The following EPHA10 variants were observed in gnomAD, a reference collection of about 807,000 sequenced individuals.
EPHA10 encodes the protein ephrin type-A receptor 10.
EPHA10 carries 120 observed loss-of-function variants against 109.7 expected under a neutral mutation model. The observed-to-expected ratio is 1.09, with a 90% CI of 0.94 to 1.27. EPHA10 has a LOEUF of 1.27. Among genes scored for constraint, EPHA10 ranks in the 50% most tolerant of loss-of-function variants. The pLI is 0.00. For missense variants in EPHA10, 1,396 were observed against 1,411.1 expected, an observed-to-expected ratio of 0.99 and a Z score of 0.17; for synonymous variants, 640 against 618.9, an observed-to-expected ratio of 1.03 and a Z score of -0.51.
rs375221623 is a variant in EPHA10 at position 37,719,602 on chromosome 1, G to T, written c.2568C>A (p.Ile856=). 5.0e-6 allele frequency: 8 copies of T among 1,613,322 alleles called. No homozygotes were observed. In the South Asian group the frequency reaches 8.8e-5, roughly 18 times the overall value. The stretch of plus-strand genomic sequence containing the variant: ...GCCGGAAGCCATCCTCCACAGCCTT[G>T]ATCACCTGGGCCACAGGGGTGGGGA... ...PYWDMSGQDV[I]KAVEDGFRLP... The change falls in exon 15 of 17, where the codon ATC becomes ATA. Residue 856 remains isoleucine, a synonymous_variant. Transcript: ENST00000373048.
At chr1:37,719,645 G>C (rs1039643033) in intron 14 of EPHA10, 38 bp from the exon 15 acceptor site, 2 of 1,608,408 alleles carry the variant, frequency 1.2e-6, no homozygotes, top group African/African-American at 2.7e-5. Context: ...GGAGGCTCTG[G>C]GTTTCCCCAG....
At chr1:37,750,042 G>A (rs897879736) in intron 5 of EPHA10, among the ~76,000 whole-genome samples, 1 of 152,144 alleles carries the variant, frequency 6.6e-6, no homozygotes, top group Non-Finnish European at 1.5e-5. Flanking sequence ...TAAAACAAAA[G>A]GGATTTTATA....
rs1354684798 is a variant in EPHA10, at chr1:37,718,496, AGGCTGGTCACACTC to A, written c.2913-24_2913-11del. 4.3e-6 allele frequency: 7 copies of A among 1,613,186 alleles called. No homozygotes were observed. The Admixed American group carries it at 1.2e-4, about 27-fold the overall frequency. On this transcript the variant is annotated splice_polypyrimidine_tract_variant and intron_variant, in intron 16 of 16. Transcript: ENST00000373048. ...TAGGCTCACCAGGTCCCTGAAACAA[AGGCTGGTCACACTC>A]GGCTGGCTTGTCCCCAACTTCTGCT...
rs957215179 is a variant in EPHA10 at position 37,730,654 on chromosome 1, C to T, written c.1663+757G>A. Reference sequence around the variant, plus strand: ...TTTGGTAACAGCTTTATTGAGATATCGTTCGCATACCATGTGATTTACCCA... The same window carrying T: ...TTTGGTAACAGCTTTATTGAGATATTGTTCGCATACCATGTGATTTACCCA... On this transcript the variant is annotated intron_variant, in intron 7 of 16. Coordinates refer to ENST00000373048, the MANE Select transcript of EPHA10 (RefSeq NM_001099439.2). Among the ~76,000 whole-genome samples the T allele has an allele frequency of 3.3e-5, 5 of 151,990 alleles. No individual in the cohort carries two copies. The South Asian group carries it at 8.3e-4, about 25-fold the overall frequency.
chr1:37,760,072 A>G (rs956591643), intron 3 of EPHA10, among the ~76,000 whole-genome samples: 1 of 152,212 alleles, frequency 6.6e-6, no homozygotes, highest in Non-Finnish European at 1.5e-5. Flanking sequence ...TGGATGGATG[A>G]TTGAACAAAG....
rs755447160 is a variant in EPHA10 at position 37,718,434 on chromosome 1, TGAG to T, written c.2962_2964del (p.Leu988del). The T allele has an allele frequency of 6.2e-7, 1 of 1,613,420 alleles. No individual in the cohort carries two copies. Among genetic ancestry groups the T allele is most frequent in the South Asian group, 1.1e-5 (1 of 91,078 alleles). ...CGTGCCTGCAGGGCGCTGATCCCGC[TGAG>T]GAGGGCCTCTCGATGTTCAGCCAAA... On this transcript the variant is annotated inframe_deletion, in exon 17 of 17. Transcript: ENST00000373048.
rs184276786 is a variant in EPHA10, at chr1:37,719,020, C to T, written c.2757-204G>A. On this transcript the variant is annotated intron_variant, in intron 15 of 16. Transcript: ENST00000373048. ...TTCAGGCAGGTGGAGGCAGAGCCAG[C>T]GCCAGCTAAAGGTATTGGCGTATCC... is the stretch of plus-strand genomic sequence containing the variant. 327 of 677,426 alleles carry T rather than the reference C, an allele frequency of 4.8e-4. 2 individuals carry two copies. In the Middle Eastern group the frequency reaches 5.7e-3, roughly 12 times the overall value. The allele number at this position is 677,426 out of a possible 1,614,324, so 42.0% of individuals were successfully genotyped here.
intron 3 of EPHA10, among the ~76,000 whole-genome samples, chr1:37,755,567 G>C (rs1435570546): frequency 6.6e-6 from 1 of 152,088 alleles, no homozygotes. Flanking sequence ...GAACAACCTG[G>C]GTTTGTAGCT....
chr1:37,732,699 G>A (rs1646004356), intron 6 of EPHA10, among the ~76,000 whole-genome samples: 1 of 151,998 alleles, frequency 6.6e-6, no homozygotes, highest in African/African-American at 2.4e-5. Flanking sequence ...TCTGCATCAT[G>A]GGCTGGACTG....
chr1:37,737,374 T>C (rs1169157799), intron 5 of EPHA10, among the ~76,000 whole-genome samples: 1 of 152,020 alleles, frequency 6.6e-6, no homozygotes, highest in Non-Finnish European at 1.5e-5. Context: ...AAAACATATT[T>C]CAAAGCTACA....
rs1314768348 is a variant in EPHA10, at chr1:37,761,943, T to C, written c.312A>G (p.Glu104=). Reference sequence around the variant, plus strand: ...TGCAGTCACGGAGTGTGAACTGCAGTTCCACGAAGATGCGCTGCCCGCGGC... The same window carrying C: ...TGCAGTCACGGAGTGTGAACTGCAGCTCCACGAAGATGCGCTGCCCGCGGC... ...SRGRGQRIFV[E]LQFTLRDCSS... Residue 104 remains glutamate (E), a synonymous_variant, in exon 3 of 17, where the codon GAA becomes GAG. Transcript: ENST00000373048. 3 of 1,614,112 alleles carry C rather than the reference T, an allele frequency of 1.9e-6. 1 individual carries two copies. The South Asian group carries it at 3.3e-5, about 18-fold the overall frequency.
Position 37,721,887 on chromosome 1 carries a change from C to T in EPHA10, c.1961-42G>A, listed in dbSNP as rs373999346. 50 of 1,475,822 alleles carry T rather than the reference C, an allele frequency of 3.4e-5. No individual in the cohort carries two copies. In the African/African-American group the frequency reaches 6.7e-4, roughly 20 times the overall value. The allele number at this position is 1,475,822 out of a possible 1,614,324, so 91.4% of individuals were successfully genotyped here. A position where few individuals can be genotyped will look rare whatever the true frequency, so the allele number is the denominator to read the frequency against. ...CCTCAGATACCGCCAGAGGCCACTG[C>T]CCTGGCTGAGCTGGGCAGGCTGAGC... On this transcript the variant is annotated intron_variant, in intron 10 of 16. Coordinates refer to ENST00000373048, the MANE Select transcript of EPHA10 (RefSeq NM_001099439.2).
chr1:37,755,456 C>G (rs1646386452), intron 3 of EPHA10, among the ~76,000 whole-genome samples: 1 of 152,144 alleles, frequency 6.6e-6, no homozygotes, highest in Non-Finnish European at 1.5e-5. Flanking sequence ...TAAAAGTTCC[C>G]TGGACCATGA....
rs773875357 is a variant in EPHA10 at position 37,723,314 on chromosome 1, G to T, written c.1831C>A (p.His611Asn). The stretch of plus-strand genomic sequence containing the variant: ...CAGCCAGGCCCAGCCAACTCACAGT[G>T]GAAATACAGCTCCTCTTCATCATGG... The part of the protein sequence containing the change: ...DAHDEEELYF[H>N]FKVPTRRTFL... The change falls in exon 9 of 17, where the codon CAC (histidine) becomes AAC (asparagine). Residue 611 changes from histidine to asparagine, a missense_variant. Transcript: ENST00000373048. The T allele has an allele frequency of 6.2e-7, 1 of 1,614,092 alleles. No individual in the cohort carries two copies. Among genetic ancestry groups the T allele is most frequent in the South Asian group, 1.1e-5 (1 of 91,062 alleles).
intron 7 of EPHA10, among the ~76,000 whole-genome samples, chr1:37,730,668 G>A (rs1645966276): frequency 6.6e-6 from 1 of 152,090 alleles, no homozygotes; most frequent in African/African-American, 2.4e-5. Context: ...CGCATACCAT[G>A]TGATTTACCC....
chr1:37,761,453 G>A lies in EPHA10; in HGVS notation c.802C>T (p.Arg268Cys), dbSNP rs778467077. The part of the protein sequence containing the change: ...ADGEWLVPVG[R>C]CSCSAGFQER... Reference sequence around the variant, plus strand: ...TGGAATCCCGCGCTGCAGCTGCAGCGGCCCACAGGCACCAGCCACTCGCCG... The same window carrying A: ...TGGAATCCCGCGCTGCAGCTGCAGCAGCCCACAGGCACCAGCCACTCGCCG... The change falls in exon 3 of 17, where the codon CGC (arginine) becomes TGC (cysteine). Residue 268 changes from arginine to cysteine, a missense_variant. By Grantham distance (180) the Arg-to-Cys change is radical (BLOSUM62 -3). Coordinates refer to ENST00000373048, the MANE Select transcript of EPHA10 (RefSeq NM_001099439.2). 7 of 1,599,658 alleles carry A rather than the reference G, an allele frequency of 4.4e-6. No individual in the cohort carries two copies. The highest frequency in any genetic ancestry group is 5.1e-6 in the Non-Finnish European group (6 of 1,179,678).
downstream of EPHA10, chr1:37,715,800 C>CTG (rs1207958588): frequency 4.9e-5 from 22 of 448,222 alleles, no homozygotes; most frequent in African/African-American, 3.3e-4. Context: ...TGGGTCACAC[C>CTG]GTCCTGCCAT....
At chr1:37,752,005 T>A (rs1407858158) in intron 5 of EPHA10, among the ~76,000 whole-genome samples, 1 of 152,150 alleles carries the variant, frequency 6.6e-6, no homozygotes, top group Non-Finnish European at 1.5e-5. Flanking sequence ...GCCTCAGACT[T>A]CTTGGCAACA....
Position 37,760,227 on chromosome 1 carries a change from T to C in EPHA10, c.850+1178A>G, listed in dbSNP as rs1049083004. On this transcript the variant is annotated intron_variant, in intron 3 of 16. Transcript: ENST00000373048. Reference sequence around the variant, plus strand: ...GTGAGCTTCTTGAGAGCTAGGACTATGTCTGACTCATTTCTGTTGCCCTGG... The same window carrying C: ...GTGAGCTTCTTGAGAGCTAGGACTACGTCTGACTCATTTCTGTTGCCCTGG... 3.7e-5 allele frequency: 37 copies of C among 989,148 alleles called. No individual in the cohort carries two copies. In the African/African-American group the frequency reaches 6.1e-4, roughly 16 times the overall value. 61.3% of individuals were successfully genotyped at this position (989,148 alleles called of 1,614,324 possible).
Sources: allele counts gnomAD v4.1 joint callset (sites outside exome capture counted in the v4.1 genomes callset), GRCh38; gene constraint gnomAD v4.1.1; transcripts MANE v1.5; gene names NCBI Gene and HGNC (gene_info 2026-07-23, HGNC 2026-07-21).